The following AIG1 variants were observed in gnomAD, a reference collection of about 807,000 sequenced individuals.
AIG1 encodes the protein androgen induced 1, also known as androgen-induced gene 1 protein.
In AIG1, 23 loss-of-function variants were observed where a neutral mutation model predicts 31.4. That is an observed-to-expected ratio of 0.73 (90% CI 0.53 to 1.04). AIG1 has a LOEUF of 1.04. AIG1 is among the 50% of genes least tolerant of loss of function. The pLI, the probability that AIG1 is intolerant of heterozygous loss-of-function variation, is 0.00. For synonymous variants in AIG1, 100 were observed against 110.5 expected (o/e 0.90, Z 0.60); for missense variants, 274 against 295.0 (o/e 0.93, Z 0.52).
chr6:143,314,850 AT>A (rs1775606812), intron 4 of AIG1, among the ~76,000 whole-genome samples: 1 of 152,140 alleles, frequency 6.6e-6, no homozygotes, highest in Non-Finnish European at 1.5e-5. Context: ...AGCAAATCTG[AT>A]TGATTTTCAA....
chr6:143,061,018 A>G lies in AIG1; in HGVS notation c.93A>G (p.Ser31=), dbSNP rs1776193835. ...LCNYKAIEMP[S]HQTYGGSWKF... ...ACTACAAGGCCATCGAAATGCCCTCACACCAGACCTACGGAGGGAGCTGGA... is the reference window on the plus strand; with the variant it reads ...ACTACAAGGCCATCGAAATGCCCTCGCACCAGACCTACGGAGGGAGCTGGA... Residue 31 remains serine (S), a synonymous_variant, in exon 1 of 6, where the codon TCA becomes TCG. Coordinates refer to ENST00000357847, the MANE Select transcript of AIG1 (RefSeq NM_016108.4). The G allele has an allele frequency of 6.2e-7, 1 of 1,613,170 alleles. No individual in the cohort carries two copies. Among genetic ancestry groups the G allele is most frequent in the African/African-American group, 1.3e-5 (1 of 74,794 alleles).
At chr6:143,163,344 CT>C (rs1008178161) in intron 2 of AIG1, among the ~76,000 whole-genome samples, 1 of 152,212 alleles carries the variant, frequency 6.6e-6, no homozygotes, top group Non-Finnish European at 1.5e-5. Flanking sequence ...TTGGTAACCA[CT>C]CCTTGCCAAG....
At chr6:143,156,159 A>G (rs752582453) in intron 2 of AIG1, among the ~76,000 whole-genome samples, 14 of 152,278 alleles carry the variant, frequency 9.2e-5, no homozygotes, top group Admixed American at 4.6e-4. Context: ...GCTTTTTGCA[A>G]TTTATCCCTC....
At chr6:143,201,730 C>A (rs1307305241) in intron 3 of AIG1, among the ~76,000 whole-genome samples, 1 of 152,160 alleles carries the variant, frequency 6.6e-6, no homozygotes, top group Admixed American at 6.5e-5. Flanking sequence ...TGTTACGGAC[C>A]TGGGGATCCT....
At chr6:143,203,530 C>T (rs1428344740) in intron 3 of AIG1, among the ~76,000 whole-genome samples, 1 of 152,196 alleles carries the variant, frequency 6.6e-6, no homozygotes, top group Non-Finnish European at 1.5e-5. Context: ...CTCTCCATCT[C>T]TACTACCAGT....
At chr6:143,187,558 A>T (rs1461767066) in intron 3 of AIG1, 3 of 1,535,934 alleles carry the variant, frequency 2.0e-6, no homozygotes, top group Non-Finnish European at 1.7e-6. Context: ...ATATTTGCAT[A>T]AAAATATGAA....
intron 3 of AIG1, among the ~76,000 whole-genome samples, chr6:143,218,596 G>C (rs961312141): frequency 6.6e-6 from 1 of 152,034 alleles, no homozygotes; most frequent in Non-Finnish European, 1.5e-5. Flanking sequence ...GCTTCTAATG[G>C]TTTAAAGTAT....
intron 2 of AIG1, among the ~76,000 whole-genome samples, chr6:143,151,134 T>A (rs1240831173): frequency 6.6e-6 from 1 of 152,124 alleles, no homozygotes; most frequent in Non-Finnish European, 1.5e-5. Context: ...GCATAGATCA[T>A]CATAGGAAAA....
chr6:143,300,601 C>T (rs542600251), intron 4 of AIG1, among the ~76,000 whole-genome samples: 2 of 152,306 alleles, frequency 1.3e-5, no homozygotes, highest in South Asian at 2.1e-4. Flanking sequence ...CCTTCCCTAA[C>T]CATTGCTTTC....
At chr6:143,189,481 G>T in intron 3 of AIG1, 1 of 984,984 alleles carries the variant, frequency 1.0e-6, no homozygotes, top group Non-Finnish European at 1.2e-6. Context: ...AATCAAGCTT[G>T]ATGATATTTC....
intron 3 of AIG1, among the ~76,000 whole-genome samples, chr6:143,200,526 C>T (rs1475300860): frequency 6.6e-6 from 1 of 152,130 alleles, no homozygotes; most frequent in Non-Finnish European, 1.5e-5. Flanking sequence ...CAGAATGTTT[C>T]CACTGCTTGA....
At position 143,280,683 on chromosome 6, in the gene AIG1, A is replaced by G. The variant is rs1797285362; in HGVS notation, c.400-3427A>G. ...GGGAGCTAAATGATAAGAACTTATGAACACAAAGAAGGAAATAACAGACAC... is the reference window on the plus strand; with the variant it reads ...GGGAGCTAAATGATAAGAACTTATGGACACAAAGAAGGAAATAACAGACAC... On this transcript the variant is annotated intron_variant, in intron 3 of 5. Transcript: ENST00000357847. The surrounding 1 kb of genome is among the most constrained non-coding windows in gnomAD (Gnocchi z 4.1). 6.6e-6 allele frequency among the ~76,000 whole-genome samples: 1 copy of G among 152,204 alleles called. No homozygotes were observed. Among genetic ancestry groups the G allele is most frequent in the Non-Finnish European group, 1.5e-5 (1 of 68,026 alleles).
At chr6:143,156,957 T>A (rs1785829792) in intron 2 of AIG1, among the ~76,000 whole-genome samples, 1 of 152,244 alleles carries the variant, frequency 6.6e-6, no homozygotes, top group Admixed American at 6.5e-5. Context: ...TCCTATGCAC[T>A]GGCCAATGGA....
intron 4 of AIG1, among the ~76,000 whole-genome samples, chr6:143,323,215 A>G (rs750633353): frequency 5.3e-5 from 8 of 152,214 alleles, no homozygotes; most frequent in Non-Finnish European, 1.0e-4. Context: ...CCAGTGCAAA[A>G]TAAAAATGCA....
chr6:143,148,669 T>G (rs1343910389), intron 2 of AIG1, among the ~76,000 whole-genome samples: 2 of 151,982 alleles, frequency 1.3e-5, no homozygotes, highest in Non-Finnish European at 2.9e-5. Context: ...ACAAAACATT[T>G]AAAAAGTAAC....
intron 3 of AIG1, among the ~76,000 whole-genome samples, chr6:143,220,737 G>A (rs555077314): frequency 6.6e-6 from 1 of 152,276 alleles, no homozygotes; most frequent in South Asian, 2.1e-4. Flanking sequence ...CTTACACTTC[G>A]AGTGTTTATT....
Position 143,171,430 on chromosome 6 carries a change from TA to T in AIG1, c.399+6249del, listed in dbSNP as rs1562453879. On this transcript the variant is annotated intron_variant, in intron 3 of 5. Coordinates refer to ENST00000357847, the MANE Select transcript of AIG1 (RefSeq NM_016108.4). The stretch of plus-strand genomic sequence containing the variant: ...TGTGTGTATATATATATAATATATA[TA>T]ATATATATATAATATATATATTTAA... 4.1e-3 allele frequency among the ~76,000 whole-genome samples: 470 copies of T among 115,188 alleles called. 14 individuals carry two copies. The East Asian group carries it at 0.069, about 17-fold the overall frequency. 75.6% of individuals were successfully genotyped at this position (115,188 alleles called of 152,430 possible).
chr6:143,256,204 T>G lies in AIG1; in HGVS notation c.400-27906T>G, dbSNP rs146551858. 2.4e-3 allele frequency among the ~76,000 whole-genome samples: 369 copies of G among 152,328 alleles called. 1 individual carries two copies. The highest frequency in any genetic ancestry group is 8.3e-3 in the African/African-American group (345 of 41,580). On this transcript the variant is annotated intron_variant, in intron 3 of 5. Coordinates refer to ENST00000357847, the MANE Select transcript of AIG1 (RefSeq NM_016108.4). The surrounding 1 kb of genome is among the most constrained non-coding windows in gnomAD (Gnocchi z 4.6). ...AACTTCCCAACATAGGCAGTGTTGT[T>G]TAAGTCTATGTAATGTGTAGAGGAA...
At chr6:143,105,055 C>T (rs1483970608) in intron 1 of AIG1, among the ~76,000 whole-genome samples, 1 of 152,092 alleles carries the variant, frequency 6.6e-6, no homozygotes, top group Non-Finnish European at 1.5e-5. Flanking sequence ...ATGATTCCTC[C>T]CAGCTCATTG....
Sources: allele counts gnomAD v4.1 joint callset (sites outside exome capture counted in the v4.1 genomes callset), GRCh38; gene constraint gnomAD v4.1.1; non-coding constraint Gnocchi (gnomAD v3.1); transcripts MANE v1.5; gene names NCBI Gene and HGNC (gene_info 2026-07-23, HGNC 2026-07-21).